The following CSF1R variants were observed in gnomAD, a reference collection of about 807,000 sequenced individuals.
CSF1R encodes macrophage colony-stimulating factor 1 receptor.
In CSF1R, 40 loss-of-function variants were observed where a neutral mutation model predicts 110.0. The observed-to-expected ratio is 0.36, with a 90% CI of 0.28 to 0.47. The LOEUF is 0.47. Among genes scored for constraint, CSF1R ranks in the 20% least tolerant of loss-of-function variants. The pLI, the probability that CSF1R is intolerant of heterozygous loss-of-function variation, is 0.99. For synonymous variants in CSF1R, 523 were observed against 503.4 expected, an observed-to-expected ratio of 1.04 and a Z score of -0.52; for missense variants, 1,052 against 1,253.0, an observed-to-expected ratio of 0.84 and a Z score of 2.42.
Position 150,080,279 on chromosome 5 carries a change from T to TC in CSF1R, c.364dup (p.Asp122GlyfsTer109). ...TGTGAGCAGACAGGGCAGTAGTGCG[T>TC]CCTGGTCCTCGAACACGACCACCTC... On this transcript the variant is annotated frameshift_variant, in exon 3 of 21. Coordinates refer to ENST00000675795, the MANE Select transcript of CSF1R (RefSeq NM_001288705.3). LOFTEE classifies it high-confidence loss of function. 6.2e-7 allele frequency: 1 copy of TC among 1,613,916 alleles called. No homozygotes were observed. The highest frequency in any genetic ancestry group is 8.5e-7 in the Non-Finnish European group (1 of 1,180,048).
rs936265630 is a variant in CSF1R at position 150,105,463 on chromosome 5, G to A, written c.-181+7798C>T. On this transcript the variant is annotated intron_variant, in intron 1 of 21. Coordinates refer to the CSF1R transcript ENST00000286301. ...ACTCCTGACCTCAAGTGATCTGCCC[G>A]TTTTGGCTTCCCAAAATGCTGGGGT... is the stretch of plus-strand genomic sequence containing the variant. Among the ~76,000 whole-genome samples, 6 of 148,590 alleles carry A rather than the reference G, an allele frequency of 4.0e-5. No individual in the cohort carries two copies. The South Asian group carries it at 6.4e-4, about 16-fold the overall frequency.
At position 150,061,479 on chromosome 5, in the gene CSF1R, C is replaced by A. The variant is rs966859345; in HGVS notation, c.1858+12G>T. 4 of 1,521,006 alleles carry A rather than the reference C, an allele frequency of 2.6e-6. No homozygotes were observed. Among genetic ancestry groups the A allele is most frequent in the Middle Eastern group, 1.8e-4 (1 of 5,688 alleles). The allele number at this position is 1,521,006 out of a possible 1,614,324, so 94.2% of individuals were successfully genotyped here. ...CCCCCCATCCCTTCCCTCATCCCCT[C>A]CCCTCACTCACACTTCAGCATCTTC... On this transcript the variant is annotated intron_variant, in intron 12 of 20. Transcript: ENST00000675795.
intron 1 of CSF1R, among the ~76,000 whole-genome samples, chr5:150,109,526 T>C (rs1759657418): frequency 6.6e-6 from 1 of 152,214 alleles, no homozygotes. Flanking sequence ...ATGTTTCAGC[T>C]TGGCGCATTT....
Position 150,059,805 on chromosome 5 carries a change from C to T in CSF1R, c.2027G>A (p.Arg676Gln), listed in dbSNP as rs1006338912. 6.8e-6 allele frequency: 11 copies of T among 1,614,194 alleles called. No homozygotes were observed. Among genetic ancestry groups the T allele is most frequent in the South Asian group, 1.1e-5 (1 of 91,086 alleles). The change falls in exon 14 of 21, where the codon CGA (arginine) becomes CAA (glutamine). Residue 676 changes from arginine to glutamine, a missense_variant. Around this residue, in one of 5 missense-constraint regions of CSF1R, gnomAD observed 76 missense variants for 133.6 expected, o/e 0.57. Coordinates refer to ENST00000675795, the MANE Select transcript of CSF1R (RefSeq NM_001288705.3). ...TCCCAGCATGGCCTCAGCCTTCCTT[C>T]GCAGAAAGTTGAGCAGGTCGCCATA... Reference protein sequence around the residue: ...CCYGDLLNFLRRKAEAMLGPS... With the variant: ...CCYGDLLNFLQRKAEAMLGPS...
chr5:150,064,473 T>C (rs1342521504), intron 10 of CSF1R, among the ~76,000 whole-genome samples: 1 of 152,158 alleles, frequency 6.6e-6, no homozygotes, highest in Non-Finnish European at 1.5e-5. Flanking sequence ...CTCTGCGTTA[T>C]AGCTTGGGAG....
chr5:150,053,369 G>A lies in CSF1R; in HGVS notation c.*700C>T, dbSNP rs1027062170. On this transcript the variant is annotated 3_prime_UTR_variant, in exon 21 of 21. Transcript: ENST00000675795. ...CTGTTAGTTAGGATGAGTCAGCTTGGGGGAGTTTGTGCTTCCTGCTTGGTG... is the reference window on the plus strand; with the variant it reads ...CTGTTAGTTAGGATGAGTCAGCTTGAGGGAGTTTGTGCTTCCTGCTTGGTG... 8.5e-6 allele frequency: 2 copies of A among 233,918 alleles called. No individual in the cohort carries two copies. The highest frequency in any genetic ancestry group is 4.4e-5 in the African/African-American group (2 of 45,344). 14.5% of individuals were successfully genotyped at this position (233,918 alleles called of 1,614,324 possible).
chr5:150,087,320 G>A (rs545980416), upstream of CSF1R, among the ~76,000 whole-genome samples: 15 of 152,242 alleles, frequency 9.9e-5, no homozygotes, highest in South Asian at 2.7e-3. Flanking sequence ...TGATAATATT[G>A]GCAATAAGCT....
chr5:150,094,664 C>G (rs1333654551), intron 1 of CSF1R: 3 of 1,576,244 alleles, frequency 1.9e-6, no homozygotes, highest in African/African-American at 2.7e-5. Context: ...TCAATGGAAC[C>G]TTTGTGAAGC....
In CSF1R at chr5:150,077,930, A is replaced by G. The variant is rs3733673; in HGVS notation, c.729+182T>C. Among the ~76,000 whole-genome samples, 22,456 of 147,126 alleles carry G rather than the reference A, an allele frequency of 0.15. 3,380 individuals are homozygous for G. Among genetic ancestry groups the G allele is most frequent in the African/African-American group, 0.38 (15,031 of 39,732 alleles). On this transcript the variant is annotated intron_variant, in intron 4 of 20. Transcript: ENST00000675795. ...TTCAGCGGCACAAGCATGAGTCCTG[A>G]TTCTGTGTCAGCTACTGACTGGGAG...
At chr5:150,086,260 G>T in intron 1 of CSF1R, 119 bp downstream of exon 1, 1 of 955,542 alleles carries the variant, frequency 1.0e-6, no homozygotes. Flanking sequence ...CTGCAGTCCA[G>T]TGTTGGGGAG....
At chr5:150,055,379 T>C in intron 18 of CSF1R, 43 bp from the exon 19 acceptor site, 1 of 1,537,636 alleles carries the variant, frequency 6.5e-7, no homozygotes, top group Non-Finnish European at 9.0e-7. Flanking sequence ...CCCATTGTCT[T>C]CTCCCCATTC....
chr5:150,106,151 A>T (rs1352784731), intron 1 of CSF1R, among the ~76,000 whole-genome samples: 1 of 152,224 alleles, frequency 6.6e-6, no homozygotes, highest in African/African-American at 2.4e-5. Context: ...CATGGGACTC[A>T]GTGGGGTAAG....
chr5:150,078,787 C>T (rs557347129), intron 3 of CSF1R, among the ~76,000 whole-genome samples: 5 of 152,270 alleles, frequency 3.3e-5, no homozygotes, highest in African/African-American at 9.6e-5. Context: ...AATGCCTTTC[C>T]TCCCACACTT....
intron 10 of CSF1R, among the ~76,000 whole-genome samples, chr5:150,066,652 C>T (rs914671359): frequency 6.6e-6 from 1 of 152,228 alleles, no homozygotes; most frequent in African/African-American, 2.4e-5. Context: ...AGTAGAGATC[C>T]CGATCCATGT....
chr5:150,077,572 A>G, intron 4 of CSF1R, 137 bp from the exon 5 acceptor site: 2 of 937,828 alleles, frequency 2.1e-6, no homozygotes, highest in Non-Finnish European at 3.3e-6. Flanking sequence ...AATGGGGCTA[A>G]TACTGGCTCC....
chr5:150,080,852 A>G lies in CSF1R; in HGVS notation c.222T>C (p.Ala74=), dbSNP rs1329224600. 3.7e-6 allele frequency: 6 copies of G among 1,614,080 alleles called. No individual in the cohort carries two copies. The highest frequency in any genetic ancestry group is 1.3e-5 in the African/African-American group (1 of 74,996). ...GATAGGTCCCCGTGTTTTGGAAGGTAGCGTTGTTGGTGCTGAGGATGCTGC... is the reference window on the plus strand; with the variant it reads ...GATAGGTCCCCGTGTTTTGGAAGGTGGCGTTGTTGGTGCTGAGGATGCTGC... ...GSSSILSTNN[A]TFQNTGTYRC... is the part of the protein sequence containing the mutation. Residue 74 remains alanine (A), a synonymous_variant, in exon 2 of 21, where the codon GCT becomes GCC. Transcript: ENST00000675795.
intron 2 of CSF1R, 65 bp from the exon 3 acceptor site, chr5:150,080,401 C>T: frequency 6.4e-7 from 1 of 1,558,676 alleles, no homozygotes. Context: ...AGTACCTGGA[C>T]ATAGGTGACA....
chr5:150,108,487 T>C (rs974245387), intron 1 of CSF1R, among the ~76,000 whole-genome samples: 2 of 152,118 alleles, frequency 1.3e-5, no homozygotes, highest in Non-Finnish European at 2.9e-5. Context: ...TGAAGGAGTC[T>C]CGACTTTGCT....
Position 150,056,247 on chromosome 5 carries a change from T to C in CSF1R, c.2414A>G (p.Asn805Ser). The C allele has an allele frequency of 5.0e-6, 8 of 1,614,146 alleles. No homozygotes were observed. Among genetic ancestry groups the C allele is most frequent in the Non-Finnish European group, 6.8e-6 (8 of 1,180,024 alleles). Residue 805 changes from asparagine to serine, a missense_variant, in exon 17 of 21, where the codon AAT (asparagine) becomes AGT (serine). Around this residue, in one of 5 missense-constraint regions of CSF1R, gnomAD observed 74 missense variants for 187.4 expected, o/e 0.39. Coordinates refer to ENST00000675795, the MANE Select transcript of CSF1R (RefSeq NM_001288705.3). ...GDFGLARDIM[N>S]DSNYIVKGNA... ...GCCCTTGACAATGTAGTTGGAGTCA[T>C]TCATGATGTCCCTAGCCAGCCCGAA...
Sources: allele counts gnomAD v4.1 joint callset (sites outside exome capture counted in the v4.1 genomes callset), GRCh38; gene constraint gnomAD v4.1.1; regional missense constraint gnomAD v4.1.1; transcripts MANE v1.5; gene names NCBI Gene and HGNC (gene_info 2026-07-23, HGNC 2026-07-21).